ZBTB8A: variants seen among roughly 807,000 people sequenced by gnomAD.
The protein encoded by ZBTB8A is zinc finger and BTB domain containing 8A, also known as zinc finger and BTB domain-containing protein 8A.
A neutral mutation model predicts 37.8 loss-of-function variants in ZBTB8A; 19 were observed. The ratio of observed to expected loss-of-function variants is 0.50; its 90% CI spans 0.35 to 0.74. The LOEUF is 0.74. ZBTB8A is among the 30% of genes least tolerant of loss of function. ZBTB8A has a pLI of 0.01. For missense variants in ZBTB8A, 394 were observed against 537.8 expected (o/e 0.73, Z 2.65); for synonymous variants, 181 against 185.2 (o/e 0.98, Z 0.19).
intron 1 of ZBTB8A, among the ~76,000 whole-genome samples, chr1:32,547,665 G>T (rs1379386034): frequency 8.8e-5 from 13 of 147,374 alleles, no homozygotes; most frequent in African/African-American, 3.3e-4. Context: ...AGGCAAAAAT[G>T]GTTTCTCAAG....
chr1:32,559,525 A>G (rs950013908), intron 2 of ZBTB8A, among the ~76,000 whole-genome samples: 18 of 152,170 alleles, frequency 1.2e-4, no homozygotes, highest in African/African-American at 4.1e-4. Flanking sequence ...GTGCAGTGGC[A>G]TGATCACGGC....
At chr1:32,595,286 G>T in intron 4 of ZBTB8A, 63 bp downstream of exon 4, 3 of 1,542,236 alleles carry the variant, frequency 1.9e-6, no homozygotes, top group Middle Eastern at 1.9e-4. Flanking sequence ...TTGTTTTTTT[G>T]AGATGGAGTT....
At chr1:32,591,502 A>G (rs1644488061) in intron 2 of ZBTB8A, among the ~76,000 whole-genome samples, 1 of 152,082 alleles carries the variant, frequency 6.6e-6, no homozygotes. Flanking sequence ...TATAGGCGTG[A>G]GCTACCACCC....
chr1:32,603,884 G>A lies in ZBTB8A; in HGVS notation c.*3465G>A, dbSNP rs2148259094. 6.6e-6 allele frequency: 1 copy of A among 152,518 alleles called. No homozygotes were observed. The highest frequency in any genetic ancestry group is 2.1e-4 in the South Asian group (1 of 4,820). The allele number at this position is 152,518 out of a possible 1,614,324, so 9.4% of individuals were successfully genotyped here. A position where few individuals can be genotyped will look rare whatever the true frequency, so the allele number is the denominator to read the frequency against. The stretch of plus-strand genomic sequence containing the variant: ...ATAGAAGAACATTTAAGACATGTTT[G>A]TAAGTTGTAAATAATGACTCCAGTT... On this transcript the variant is annotated 3_prime_UTR_variant, in exon 5 of 5. Coordinates refer to ENST00000373510, the MANE Select transcript of ZBTB8A (RefSeq NM_001040441.3).
intron 2 of ZBTB8A, among the ~76,000 whole-genome samples, chr1:32,554,718 A>G (rs1644186799): frequency 6.6e-6 from 1 of 151,798 alleles, no homozygotes; most frequent in African/African-American, 2.4e-5. Flanking sequence ...ACCTCAGGTG[A>G]TCCACCCACC....
At chr1:32,552,009 A>G (rs184697409) in intron 1 of ZBTB8A, among the ~76,000 whole-genome samples, 1 of 152,260 alleles carries the variant, frequency 6.6e-6, no homozygotes, top group East Asian at 1.9e-4. Context: ...CTATCTTGGT[A>G]TCATCTGCTG....
At chr1:32,588,362 G>A (rs1031391605) in intron 2 of ZBTB8A, among the ~76,000 whole-genome samples, 2 of 151,968 alleles carry the variant, frequency 1.3e-5, no homozygotes, top group African/African-American at 4.8e-5. Context: ...CGCTGGTGTC[G>A]GTGCAGAGCT....
chr1:32,560,538 T>C (rs1166983218), intron 2 of ZBTB8A, among the ~76,000 whole-genome samples: 1 of 151,750 alleles, frequency 6.6e-6, no homozygotes, highest in African/African-American at 2.4e-5. Context: ...TTGTTATAAG[T>C]AACAGAAAAC....
At chr1:32,572,862 T>C (rs1271925924) in intron 2 of ZBTB8A, among the ~76,000 whole-genome samples, 1 of 151,946 alleles carries the variant, frequency 6.6e-6, no homozygotes, top group African/African-American at 2.4e-5. Flanking sequence ...TGGTAATTTA[T>C]GTCTTCTTTT....
chr1:32,547,402 A>G (rs1404528207), intron 1 of ZBTB8A, among the ~76,000 whole-genome samples: 47 of 142,982 alleles, frequency 3.3e-4, no homozygotes, highest in African/African-American at 1.1e-3. Context: ...TGCCCAGGCT[A>G]GAGTGCAGTG....
chr1:32,571,027 C>G (rs1009339608), intron 2 of ZBTB8A, among the ~76,000 whole-genome samples: 4 of 152,150 alleles, frequency 2.6e-5, no homozygotes, highest in Non-Finnish European at 2.9e-5. Context: ...AGGTGCCCAC[C>G]ACCACGCCCG....
chr1:32,597,319 G>A (rs187569531), intron 4 of ZBTB8A, among the ~76,000 whole-genome samples: 1 of 152,180 alleles, frequency 6.6e-6, no homozygotes, highest in African/African-American at 2.4e-5. Context: ...GATATCATAT[G>A]GTCTCAGGAA....
At position 32,601,382 on chromosome 1, in the gene ZBTB8A, G is replaced by T; in HGVS notation, c.*963G>T. Reference sequence around the variant, plus strand: ...CCAGCTACTCGGGAGGCTGAGGCAGGAGAATCGATTGAACCTGGAAGGCAG... The same window carrying T: ...CCAGCTACTCGGGAGGCTGAGGCAGTAGAATCGATTGAACCTGGAAGGCAG... On this transcript the variant is annotated 3_prime_UTR_variant, in exon 5 of 5. Coordinates refer to ENST00000373510, the MANE Select transcript of ZBTB8A (RefSeq NM_001040441.3). 1 of 308,014 alleles carries T rather than the reference G, an allele frequency of 3.2e-6. No individual in the cohort carries two copies. Among genetic ancestry groups the T allele is most frequent in the South Asian group, 1.6e-4 (1 of 6,138 alleles). The allele number at this position is 308,014 out of a possible 1,614,324, so 19.1% of individuals were successfully genotyped here.
intron 2 of ZBTB8A, among the ~76,000 whole-genome samples, chr1:32,556,808 C>T (rs983575261): frequency 3.3e-5 from 5 of 151,472 alleles, no homozygotes; most frequent in African/African-American, 7.3e-5. Flanking sequence ...ACCTGGGAGG[C>T]GGAGGTTGCA....
chr1:32,576,740 T>G (rs1174265679), intron 2 of ZBTB8A, among the ~76,000 whole-genome samples: 1 of 152,122 alleles, frequency 6.6e-6, no homozygotes, highest in African/African-American at 2.4e-5. Context: ...AATTTTTGTA[T>G]TTTTGGTAGA....
chr1:32,560,615 C>CTTTTTTTTTTTTTTTTTTTTTTTTCTTTT (rs1170510859), intron 2 of ZBTB8A, among the ~76,000 whole-genome samples: 2 of 90,806 alleles, frequency 2.2e-5, no homozygotes, highest in Non-Finnish European at 2.0e-5. Flanking sequence ...TCTTTTCTTT[C>CTTTTTTTTTTTTTTTTTTTTTTTTCTTTT]TTTTTTTTTT....
intron 2 of ZBTB8A, among the ~76,000 whole-genome samples, chr1:32,566,653 T>C (rs1192653923): frequency 6.6e-6 from 1 of 152,258 alleles, no homozygotes; most frequent in Non-Finnish European, 1.5e-5. Flanking sequence ...GTAGTTTCTA[T>C]GACAATAGCT....
intron 2 of ZBTB8A, among the ~76,000 whole-genome samples, chr1:32,567,556 A>T (rs1644289512): frequency 6.6e-6 from 1 of 152,000 alleles, no homozygotes; most frequent in Admixed American, 6.6e-5. Context: ...GCACTTTGGG[A>T]GGCCGAGGCA....
Position 32,593,621 on chromosome 1 carries a change from A to G in ZBTB8A, c.690A>G (p.Glu230=). 1 of 1,614,236 alleles carries G rather than the reference A, an allele frequency of 6.2e-7. No individual in the cohort carries two copies. Among genetic ancestry groups the G allele is most frequent in the South Asian group, 1.1e-5 (1 of 91,090 alleles). The change falls in exon 3 of 5, where the codon GAA becomes GAG. Residue 230 remains glutamate (E), a synonymous_variant. Transcript: ENST00000373510. Reference sequence around the variant, plus strand: ...CTCATTATAAGTCAAGCAAACGAGAAGTACGAACATCTGATTCTTCCAGCC... The same window carrying G: ...CTCATTATAAGTCAAGCAAACGAGAGGTACGAACATCTGATTCTTCCAGCC... ...EVTHYKSSKR[E]VRTSDSSSHV... is the part of the protein sequence containing the mutation.
Sources: gnomAD v4.1 joint callset for allele counts (sites outside exome capture counted in the v4.1 genomes callset) on GRCh38, gnomAD v4.1.1 for gene constraint, MANE v1.5 for transcripts, NCBI Gene and HGNC (gene_info 2026-07-23, HGNC 2026-07-21) for gene names.